MAGI2: variants seen among roughly 807,000 people sequenced by gnomAD.
MAGI2 encodes the protein membrane associated guanylate kinase, WW and PDZ domain containing 2.
MAGI2 carries 35 observed loss-of-function variants against 133.3 expected under a neutral mutation model. The observed-to-expected ratio is 0.26, with a 90% CI of 0.20 to 0.35. The LOEUF (loss-of-function observed/expected upper bound fraction) is 0.35. MAGI2 is among the 10% of genes least tolerant of loss of function. The pLI is 1.00. For missense variants in MAGI2, 1,636 were observed against 1,863.4 expected (o/e 0.88, Z 2.25); for synonymous variants, 729 against 710.6 (o/e 1.03, Z -0.41).
intron 1 of MAGI2, among the ~76,000 whole-genome samples, chr7:79,173,898 GAGA>G (rs1825847018): frequency 6.6e-6 from 1 of 151,934 alleles, no homozygotes; most frequent in African/African-American, 2.4e-5. Flanking sequence ...CAGATCACCA[GAGA>G]AGAATTCAGT....
chr7:79,108,950 T>C (rs1818676630), intron 1 of MAGI2, among the ~76,000 whole-genome samples: 1 of 152,174 alleles, frequency 6.6e-6, no homozygotes, highest in Non-Finnish European at 1.5e-5. Flanking sequence ...GCTCCCTCTT[T>C]GCCTGCTGCT....
intron 6 of MAGI2, among the ~76,000 whole-genome samples, chr7:78,405,613 A>G (rs1208945871): frequency 6.6e-6 from 1 of 152,110 alleles, no homozygotes; most frequent in African/African-American, 2.4e-5. Flanking sequence ...AACATTACCT[A>G]TTAGAGTTTA....
chr7:78,286,167 T>G (rs1796123784), intron 9 of MAGI2, among the ~76,000 whole-genome samples: 1 of 152,154 alleles, frequency 6.6e-6, no homozygotes, highest in Admixed American at 6.6e-5. Flanking sequence ...TAAAAAAATT[T>G]GAAAGCTCCT....
intron 2 of MAGI2, among the ~76,000 whole-genome samples, chr7:78,739,171 A>G (rs1198837784): frequency 6.6e-6 from 1 of 152,156 alleles, no homozygotes; most frequent in African/African-American, 2.4e-5. Context: ...ATTATAATCA[A>G]CAAAACAGAG....
chr7:78,959,173 G>A (rs1200044711), intron 2 of MAGI2, among the ~76,000 whole-genome samples: 1 of 152,010 alleles, frequency 6.6e-6, no homozygotes, highest in Admixed American at 6.6e-5. Context: ...TATGGTTGCT[G>A]AAAATATATT....
intron 16 of MAGI2, among the ~76,000 whole-genome samples, chr7:78,158,687 G>C (rs957497830): frequency 2.0e-5 from 3 of 152,142 alleles, no homozygotes; most frequent in African/African-American, 7.2e-5. Context: ...TTCATGGTTT[G>C]ACTTAAACAA....
At chr7:78,324,938 C>A (rs1021098954) in intron 9 of MAGI2, among the ~76,000 whole-genome samples, 1 of 152,050 alleles carries the variant, frequency 6.6e-6, no homozygotes, top group Non-Finnish European at 1.5e-5. Context: ...TGTACTCCAG[C>A]CTGGGCGACA....
intron 2 of MAGI2, among the ~76,000 whole-genome samples, chr7:78,657,301 G>A (rs1449415157): frequency 6.6e-6 from 1 of 152,136 alleles, no homozygotes; most frequent in Non-Finnish European, 1.5e-5. Flanking sequence ...CTTAGCATGT[G>A]ATCTAGCAAT....
intron 21 of MAGI2, among the ~76,000 whole-genome samples, chr7:78,057,200 T>G (rs1195565043): frequency 6.6e-6 from 1 of 152,052 alleles, no homozygotes; most frequent in Admixed American, 6.6e-5. Context: ...ACAAGAGTTC[T>G]AATTTCTTCA....
At chr7:78,947,198 A>C (rs1295015754) in intron 2 of MAGI2, among the ~76,000 whole-genome samples, 1 of 152,104 alleles carries the variant, frequency 6.6e-6, no homozygotes, top group East Asian at 1.9e-4. Context: ...CTTAATAAGG[A>C]TGGAGCGTTC....
intron 2 of MAGI2, among the ~76,000 whole-genome samples, chr7:78,801,351 T>C (rs1012230243): frequency 1.3e-5 from 2 of 152,170 alleles, no homozygotes; most frequent in Admixed American, 1.3e-4. Context: ...ACAGCCAAGA[T>C]GAATGATCTG....
In MAGI2 at chr7:78,338,668, C is replaced by A. The variant is rs552819784; in HGVS notation, c.1408+5110G>T. Among the ~76,000 whole-genome samples the A allele has an allele frequency of 3.9e-5, 6 of 152,218 alleles. No homozygotes were observed. The South Asian group carries it at 1.2e-3, about 32-fold the overall frequency. The stretch of plus-strand genomic sequence containing the variant: ...CTCTATTATAACATGTGGGATGTTG[C>A]AGAAATGTGTTTTTACATGTCATTT... On this transcript the variant is annotated intron_variant, in intron 9 of 21. Transcript: ENST00000354212.
chr7:78,113,620 C>T (rs946493213), intron 20 of MAGI2, among the ~76,000 whole-genome samples: 9 of 152,106 alleles, frequency 5.9e-5, no homozygotes, highest in Non-Finnish European at 1.2e-4. Context: ...AGCCTAGGAG[C>T]TATAGGTTGG....
chr7:78,069,540 G>A (rs1814245574), intron 21 of MAGI2, among the ~76,000 whole-genome samples: 1 of 11,586 alleles, frequency 8.6e-5, no homozygotes, highest in African/African-American at 3.8e-4. Flanking sequence ...AAAGAGAGAG[G>A]AGAGAGAGAG....
chr7:78,526,666 A>C (rs1249996462), intron 3 of MAGI2, among the ~76,000 whole-genome samples: 1 of 152,112 alleles, frequency 6.6e-6, no homozygotes, highest in Admixed American at 6.5e-5. Context: ...TTTTTTCATA[A>C]AGGTGGGGCT....
At chr7:78,853,323 C>G (rs555138687) in intron 2 of MAGI2, among the ~76,000 whole-genome samples, 5 of 106,704 alleles carry the variant, frequency 4.7e-5, no homozygotes, top group African/African-American at 1.9e-4. Context: ...TTACTCTTGT[C>G]CATTCGTTCT....
intron 6 of MAGI2, among the ~76,000 whole-genome samples, chr7:78,396,518 A>G (rs995437976): frequency 1.5e-4 from 23 of 152,176 alleles, no homozygotes; most frequent in African/African-American, 5.5e-4. Flanking sequence ...CCTTTCACAT[A>G]TCACATGCTT....
chr7:79,377,194 C>T (rs1046485785), intron 1 of MAGI2, among the ~76,000 whole-genome samples: 1 of 151,790 alleles, frequency 6.6e-6, no homozygotes, highest in Non-Finnish European at 1.5e-5. Flanking sequence ...TTATTTCATC[C>T]TCTAAAGCAA....
intron 2 of MAGI2, among the ~76,000 whole-genome samples, chr7:78,803,395 T>C (rs949879692): frequency 1.3e-5 from 2 of 152,210 alleles, no homozygotes; most frequent in Non-Finnish European, 2.9e-5. Context: ...TGATGGATTA[T>C]ATGGCTTTTC....
Sources: gnomAD v4.1 joint callset for allele counts (sites outside exome capture counted in the v4.1 genomes callset) on GRCh38, gnomAD v4.1.1 for gene constraint, MANE v1.5 for transcripts, NCBI Gene and HGNC (gene_info 2026-07-23, HGNC 2026-07-21) for gene names.